Variants in ADGRV1 observed in about 807,000 individuals in gnomAD.
ADGRV1 encodes the protein G-protein coupled receptor 98.
Under a neutral mutation model 596.2 loss-of-function variants are expected in ADGRV1, and 359 were observed. That is an observed-to-expected ratio of 0.60 (90% CI 0.55 to 0.66). ADGRV1 has a LOEUF of 0.66. Ranked by LOEUF, ADGRV1 falls within the 30% of genes least tolerant of loss-of-function variation. ADGRV1 has a pLI of 0.00. For missense variants in ADGRV1, 7,274 were observed against 7,575.6 expected (o/e 0.96, Z 1.48); for synonymous variants, 2,681 against 2,679.2 (o/e 1.00, Z -0.02).
chr5:90,558,870 C>A lies in ADGRV1; in HGVS notation c.-26C>A. On this transcript the variant is annotated 5_prime_UTR_variant, in exon 1 of 90. Transcript: ENST00000405460. ...GGCAGAGCGAGGGTGTGTGGAGGGC[C>A]GGCGGGGACCGCCGGGAGCGCGCGG... 1 of 1,560,096 alleles carries A rather than the reference C, an allele frequency of 6.4e-7. No homozygotes were observed. The highest frequency in any genetic ancestry group is 1.9e-5 in the Admixed American group (1 of 51,724).
At chr5:90,739,702 T>C (rs1281488428) in intron 50 of ADGRV1, among the ~76,000 whole-genome samples, 1 of 152,180 alleles carries the variant, frequency 6.6e-6, no homozygotes, top group Non-Finnish European at 1.5e-5. Flanking sequence ...GATAGTGCTG[T>C]GGTTTGGGAT....
At chr5:90,980,461 A>G (rs1779989253) in intron 84 of ADGRV1, among the ~76,000 whole-genome samples, 1 of 152,204 alleles carries the variant, frequency 6.6e-6, no homozygotes, top group South Asian at 2.1e-4. Context: ...GGATGAATTT[A>G]GTTGGTTAAC....
At chr5:90,756,686 G>A (rs1048374507) in intron 56 of ADGRV1, 56 bp downstream of exon 56, 2 of 1,429,610 alleles carry the variant, frequency 1.4e-6, no homozygotes, top group African/African-American at 2.9e-5. Context: ...CTGCTGATTT[G>A]GCCAGTGTTT....
At chr5:91,120,740 G>C (rs1423209613) in intron 87 of ADGRV1, among the ~76,000 whole-genome samples, 2 of 152,142 alleles carry the variant, frequency 1.3e-5, no homozygotes, top group African/African-American at 4.8e-5. Context: ...GGCTCCACCT[G>C]GCTCAGTACT....
intron 78 of ADGRV1, among the ~76,000 whole-genome samples, chr5:90,842,589 A>T (rs2150364892): frequency 6.6e-6 from 1 of 152,150 alleles, no homozygotes; most frequent in Admixed American, 6.5e-5. Flanking sequence ...ATGGTGGCAC[A>T]TGCCTGTAGT....
chr5:90,562,698 A>G (rs1755014743), intron 1 of ADGRV1, among the ~76,000 whole-genome samples: 1 of 151,982 alleles, frequency 6.6e-6, no homozygotes, highest in Non-Finnish European at 1.5e-5. Context: ...CCTAGAATGG[A>G]CCCTCTTTTA....
intron 83 of ADGRV1, among the ~76,000 whole-genome samples, chr5:90,910,550 ATTAT>A (rs1255737410): frequency 8.0e-6 from 1 of 124,868 alleles, no homozygotes; most frequent in African/African-American, 3.0e-5. Context: ...ATATATATAT[ATTAT>A]CTATCTATCT....
Position 90,855,757 on chromosome 5 carries a change from C to G in ADGRV1, c.17611C>G (p.Gln5871Glu). ...QAAASWLSDS[Q>E]FCKVVEETAD... The stretch of plus-strand genomic sequence containing the variant: ...TTGCCCTAGCTGGTTGTCTGACAGT[C>G]AGTTTTGCAAAGTGGTTGAGGAAAC... Residue 5871 changes from glutamine (Q) to glutamate (E), a missense_variant, in exon 82 of 90, where the codon CAG (glutamine) becomes GAG (glutamate). Physicochemically the swap from Gln to Glu is conservative, Grantham distance 29. This residue lies in a region of ADGRV1 where 1,874 missense variants were observed against 1,970.2 expected (regional missense o/e 0.95). Coordinates refer to ENST00000405460, the MANE Select transcript of ADGRV1 (RefSeq NM_032119.4). 6.3e-7 allele frequency: 1 copy of G among 1,581,166 alleles called. No homozygotes were observed. Among genetic ancestry groups the G allele is most frequent in the Non-Finnish European group, 8.6e-7 (1 of 1,162,494 alleles).
At chr5:91,074,642 C>T (rs530726654) in intron 86 of ADGRV1, among the ~76,000 whole-genome samples, 1 of 152,314 alleles carries the variant, frequency 6.6e-6, no homozygotes, top group East Asian at 1.9e-4. Flanking sequence ...CATATGTGTG[C>T]ATGTGTCTTC....
Position 90,810,979 on chromosome 5 carries a change from C to G in ADGRV1, c.15719C>G (p.Thr5240Ser). The G allele has an allele frequency of 6.2e-7, 1 of 1,614,024 alleles. No homozygotes were observed. Among genetic ancestry groups the G allele is most frequent in the Non-Finnish European group, 8.5e-7 (1 of 1,179,902 alleles). The change falls in exon 74 of 90, where the codon ACT becomes AGT. Residue 5240 changes from threonine (T) to serine (S), a missense_variant. Coordinates refer to ENST00000405460, the MANE Select transcript of ADGRV1 (RefSeq NM_032119.4). ...GAGATGAAGAATGGCACATTCAACA[C>G]TGCAGAAGTTCTTATCCGAAGAACT... ...EEEMKNGTFNTAEVLIRRTGG... is the reference protein window; with the variant it reads ...EEEMKNGTFNSAEVLIRRTGG...
At chr5:90,938,138 T>C (rs1474851475) in intron 83 of ADGRV1, among the ~76,000 whole-genome samples, 1 of 152,188 alleles carries the variant, frequency 6.6e-6, no homozygotes, top group Non-Finnish European at 1.5e-5. Context: ...ACTTTCCTGC[T>C]TGAACTCATT....
chr5:90,975,215 G>A (rs1779448913), intron 84 of ADGRV1, among the ~76,000 whole-genome samples: 2 of 151,522 alleles, frequency 1.3e-5, no homozygotes, highest in South Asian at 4.2e-4. Flanking sequence ...GTGCTGGAGA[G>A]GATGTCGAGA....
chr5:90,710,669 A>G (rs1280828676), intron 39 of ADGRV1, among the ~76,000 whole-genome samples: 1 of 152,082 alleles, frequency 6.6e-6, no homozygotes, highest in African/African-American at 2.4e-5. Flanking sequence ...GATATTATAG[A>G]ATAGAGATGC....
In ADGRV1 at chr5:90,810,976, A is replaced by G; in HGVS notation, c.15716A>G (p.Asn5239Ser). ...IEEEMKNGTF[N>S]TAEVLIRRTG... is the part of the protein sequence containing the mutation. Reference sequence around the variant, plus strand: ...GAGGAGATGAAGAATGGCACATTCAACACTGCAGAAGTTCTTATCCGAAGA... The same window carrying G: ...GAGGAGATGAAGAATGGCACATTCAGCACTGCAGAAGTTCTTATCCGAAGA... Residue 5239 changes from asparagine (N) to serine (S), a missense_variant, in exon 74 of 90, where the codon AAC (asparagine) becomes AGC (serine). Asn to Ser is a conservative substitution (Grantham distance 46, BLOSUM62 1). Around this residue, in one of 5 missense-constraint regions of ADGRV1, gnomAD observed 1,874 missense variants for 1,970.2 expected, o/e 0.95. Transcript: ENST00000405460. 1 of 1,614,042 alleles carries G rather than the reference A, an allele frequency of 6.2e-7. No individual in the cohort carries two copies. The highest frequency in any genetic ancestry group is 8.5e-7 in the Non-Finnish European group (1 of 1,179,906).
chr5:91,146,764 G>T (rs1238843586), intron 87 of ADGRV1, among the ~76,000 whole-genome samples: 1 of 152,154 alleles, frequency 6.6e-6, no homozygotes, highest in African/African-American at 2.4e-5. Flanking sequence ...TAAGAAGTTT[G>T]CTTTCTAAAA....
chr5:91,031,045 C>T (rs1040301705), intron 85 of ADGRV1: 32 of 1,504,984 alleles, frequency 2.1e-5, no homozygotes, highest in African/African-American at 7.0e-5. Context: ...TGCCTGGTGG[C>T]GATTGCAAAT....
In ADGRV1 at chr5:90,784,021, G is replaced by A. The variant is rs372079060; in HGVS notation, c.13617G>A (p.Val4539=). Residue 4539 remains valine (V), a synonymous_variant, in exon 67 of 90, where the codon GTG becomes GTA. Coordinates refer to ENST00000405460, the MANE Select transcript of ADGRV1 (RefSeq NM_032119.4). ...NPNSTMILSL[V]LERTGGLLGE... ...ATTCCACAATGATTTTATCACTGGT[G>A]CTGGAGCGGACTGGAGGACTCTTGG... The A allele has an allele frequency of 4.3e-6, 7 of 1,612,708 alleles. No homozygotes were observed. Among genetic ancestry groups the A allele is most frequent in the Non-Finnish European group, 5.1e-6 (6 of 1,179,376 alleles).
At chr5:90,834,739 C>T (rs1294288929) in intron 77 of ADGRV1, among the ~76,000 whole-genome samples, 1 of 151,836 alleles carries the variant, frequency 6.6e-6, no homozygotes, top group Non-Finnish European at 1.5e-5. Flanking sequence ...CTTTCTCCTT[C>T]TATCTCTCTC....
chr5:90,604,476 T>C (rs1344610557), intron 1 of ADGRV1, among the ~76,000 whole-genome samples: 2 of 152,180 alleles, frequency 1.3e-5, no homozygotes, highest in African/African-American at 4.8e-5. Flanking sequence ...AAATTTTGTT[T>C]GACTAGAGCT....
Sources: gnomAD v4.1 joint callset for allele counts (sites outside exome capture counted in the v4.1 genomes callset) on GRCh38, gnomAD v4.1.1 for gene constraint, gnomAD v4.1.1 regional missense constraint, MANE v1.5 for transcripts, NCBI Gene and HGNC (gene_info 2026-07-23, HGNC 2026-07-21) for gene names.